Variants in BRD7 observed in about 807,000 individuals in gnomAD.
BRD7 encodes the protein bromodomain containing 7.
A neutral mutation model predicts 82.1 loss-of-function variants in BRD7; 15 were observed. The observed-to-expected ratio is 0.18, with a 90% CI of 0.12 to 0.28. The LOEUF (loss-of-function observed/expected upper bound fraction) is 0.28. Among genes scored for constraint, BRD7 ranks in the 10% least tolerant of loss-of-function variants. BRD7 has a pLI of 1.00. For missense variants in BRD7, 638 were observed against 779.9 expected, an observed-to-expected ratio of 0.82 and a Z score of 2.17; for synonymous variants, 232 against 266.9, an observed-to-expected ratio of 0.87 and a Z score of 1.27.
At chr16:50,321,505 T>C (rs1439058342) in intron 13 of BRD7, among the ~76,000 whole-genome samples, 2 of 140,386 alleles carry the variant, frequency 1.4e-5, no homozygotes, top group South Asian at 4.4e-4. Flanking sequence ...AGGCGGAGGT[T>C]GTAGTGAGCC....
At chr16:50,354,624 GTATT>G in intron 3 of BRD7, 142 bp from the exon 4 acceptor site, 1 of 1,205,296 alleles carries the variant, frequency 8.3e-7, no homozygotes, top group South Asian at 1.5e-5. Flanking sequence ...AAGTTTGAGA[GTATT>G]AATCCAAAAT....
At chr16:50,363,559 T>C (rs144247878) in intron 2 of BRD7, among the ~76,000 whole-genome samples, 18 of 152,288 alleles carry the variant, frequency 1.2e-4, no homozygotes, top group African/African-American at 4.1e-4. Flanking sequence ...TAAACTAATA[T>C]AGTTAGAGCC....
At chr16:50,337,365 A>G (rs966132809) in intron 6 of BRD7, among the ~76,000 whole-genome samples, 1 of 146,462 alleles carries the variant, frequency 6.8e-6, no homozygotes, top group Non-Finnish European at 1.5e-5. Flanking sequence ...GGTTCAAGCG[A>G]TTCTCCTGCC....
At position 50,354,816 on chromosome 16, in the gene BRD7, G is replaced by A. The variant is rs144462361; in HGVS notation, c.365C>T (p.Thr122Ile). ...ACCTTCTTGTTTGGCTAAAGAGCTTGTGAGAGGCTTCTCAGGAGGCAAGTC... is the reference window on the plus strand; with the variant it reads ...ACCTTCTTGTTTGGCTAAAGAGCTTATGAGAGGCTTCTCAGGAGGCAAGTC... Reference protein sequence around the residue: ...RLDLPPEKPLTSSLAKQEEVE... With the variant: ...RLDLPPEKPLISSLAKQEEVE... Residue 122 changes from threonine (T) to isoleucine (I), a missense_variant, in exon 3 of 17, where the codon ACA becomes ATA. Around this residue, in one of 3 missense-constraint regions of BRD7, gnomAD observed 172 missense variants for 155.3 expected, o/e 1.11. Coordinates refer to ENST00000394688, the MANE Select transcript of BRD7 (RefSeq NM_013263.5). The A allele has an allele frequency of 1.1e-5, 18 of 1,612,186 alleles. No homozygotes were observed. In the South Asian group the frequency reaches 1.4e-4, roughly 13 times the overall value.
chr16:50,326,821 G>C (rs182124607), intron 9 of BRD7, among the ~76,000 whole-genome samples: 253 of 152,286 alleles, frequency 1.7e-3, no homozygotes, highest in Admixed American at 6.7e-3. Context: ...ATCTATGAAA[G>C]GCATACTTTT....
chr16:50,339,405 A>G (rs1030866521), intron 6 of BRD7, among the ~76,000 whole-genome samples: 1 of 152,252 alleles, frequency 6.6e-6, no homozygotes, highest in African/African-American at 2.4e-5. Context: ...CTAGGCTAGG[A>G]ACCTATACAG....
rs2036888773 is a variant in BRD7, at chr16:50,317,937, C to T, written c.*1274G>A. ...ACAAACAGAAGAGAAGATCATTAAC[C>T]ACTGTATACTTTGTGTATATAATAG... On this transcript the variant is annotated 3_prime_UTR_variant, in exon 17 of 17. Coordinates refer to ENST00000394688, the MANE Select transcript of BRD7 (RefSeq NM_013263.5). 1 of 152,216 alleles carries T rather than the reference C, an allele frequency of 6.6e-6. No homozygotes were observed. The highest frequency in any genetic ancestry group is 2.1e-4 in the South Asian group (1 of 4,826). 9.4% of individuals were successfully genotyped at this position (152,216 alleles called of 1,614,324 possible).
chr16:50,320,580 A>G (rs1220846209), intron 14 of BRD7, 83 bp downstream of exon 14: 1 of 1,376,518 alleles, frequency 7.3e-7, no homozygotes, highest in African/African-American at 1.4e-5. Flanking sequence ...GTGAATGGCT[A>G]TGTTAATCTG....
At chr16:50,356,328 T>A (rs2038730388) in intron 2 of BRD7, among the ~76,000 whole-genome samples, 1 of 152,192 alleles carries the variant, frequency 6.6e-6, no homozygotes, top group African/African-American at 2.4e-5. Flanking sequence ...ATGGTCTACA[T>A]GGAGACTTGT....
intron 5 of BRD7, among the ~76,000 whole-genome samples, chr16:50,341,177 TACACAC>T (rs57755008): frequency 6.7e-4 from 92 of 137,302 alleles, no homozygotes; most frequent in East Asian, 1.5e-3. Flanking sequence ...AGACCTTAAG[TACACAC>T]ACACACACAC....
At chr16:50,331,937 T>C (rs1296159527) in intron 8 of BRD7, among the ~76,000 whole-genome samples, 2 of 152,234 alleles carry the variant, frequency 1.3e-5, no homozygotes, top group African/African-American at 2.4e-5. Flanking sequence ...GCTAACCATG[T>C]GCAGAAGAAT....
chr16:50,320,587 T>C (rs980459076), intron 14 of BRD7, 76 bp downstream of exon 14: 12 of 1,401,840 alleles, frequency 8.6e-6, no homozygotes, highest in South Asian at 5.8e-5. Flanking sequence ...GCTATGTTAA[T>C]CTGTACTTAT....
chr16:50,336,982 A>C (rs2151162508), intron 6 of BRD7, among the ~76,000 whole-genome samples: 1 of 152,336 alleles, frequency 6.6e-6, no homozygotes. Context: ...ACATTTACTT[A>C]GTGCTTACCC....
intron 8 of BRD7, among the ~76,000 whole-genome samples, chr16:50,332,281 A>G (rs2037600185): frequency 1.3e-5 from 2 of 152,198 alleles, no homozygotes; most frequent in Admixed American, 6.5e-5. Flanking sequence ...ACTAATACCC[A>G]GTATCTATAA....
At chr16:50,368,567 C>T (rs962555972) in intron 1 of BRD7, 159 bp downstream of exon 1, 4 of 782,870 alleles carry the variant, frequency 5.1e-6, no homozygotes, top group Non-Finnish European at 7.5e-6. Flanking sequence ...CGCGGCCGCA[C>T]GGGGGGCAGC....
intron 6 of BRD7, among the ~76,000 whole-genome samples, chr16:50,337,260 T>C (rs868557855): frequency 2.7e-4 from 40 of 145,524 alleles, no homozygotes; most frequent in South Asian, 1.6e-3. Context: ...ATTCTTCTTT[T>C]TTTTTTTTTT....
chr16:50,351,317 G>A (rs1324070391), intron 4 of BRD7, among the ~76,000 whole-genome samples: 1 of 152,160 alleles, frequency 6.6e-6, no homozygotes, highest in Non-Finnish European at 1.5e-5. Flanking sequence ...AGGTCTATGT[G>A]AATCTGCCTT....
At chr16:50,331,413 T>C (rs1007793021) in intron 8 of BRD7, among the ~76,000 whole-genome samples, 4 of 152,176 alleles carry the variant, frequency 2.6e-5, no homozygotes, top group African/African-American at 4.8e-5. Flanking sequence ...TTTCAAACTA[T>C]ACTACAGGCT....
At chr16:50,335,550 A>G (rs2037762050) in intron 6 of BRD7, among the ~76,000 whole-genome samples, 1 of 152,254 alleles carries the variant, frequency 6.6e-6, no homozygotes, top group Non-Finnish European at 1.5e-5. Context: ...GTTTCTCCGT[A>G]AATTTTAAGA....
Sources: allele counts gnomAD v4.1 joint callset (sites outside exome capture counted in the v4.1 genomes callset), GRCh38; gene constraint gnomAD v4.1.1; regional missense constraint gnomAD v4.1.1; transcripts MANE v1.5; gene names NCBI Gene and HGNC (gene_info 2026-07-23, HGNC 2026-07-21).